RTKN2: variants seen among roughly 807,000 people sequenced by gnomAD.
RTKN2 encodes the protein rhotekin-2.
RTKN2 carries 69 observed loss-of-function variants against 71.5 expected under a neutral mutation model. That is an observed-to-expected ratio of 0.96 (90% CI 0.79 to 1.18). RTKN2 has a LOEUF of 1.18. RTKN2 is among the 50% of genes most tolerant of loss of function. The pLI is 0.00. For synonymous variants in RTKN2, 236 were observed against 236.5 expected (o/e 1.00, Z 0.02); for missense variants, 724 against 719.7 (o/e 1.01, Z -0.07).
intron 10 of RTKN2, among the ~76,000 whole-genome samples, chr10:62,201,305 TA>T (rs1385266041): frequency 6.6e-6 from 1 of 152,152 alleles, no homozygotes; most frequent in Non-Finnish European, 1.5e-5. Context: ...AATATATGCA[TA>T]AATTAAAAAT....
At chr10:62,268,061 T>G (rs994982991) in intron 1 of RTKN2, among the ~76,000 whole-genome samples, 5 of 152,228 alleles carry the variant, frequency 3.3e-5, no homozygotes, top group African/African-American at 1.2e-4. Context: ...TTTTCTAAAG[T>G]GCAGAGGTTG....
At chr10:62,253,841 AT>A (rs1435140174) in intron 2 of RTKN2, among the ~76,000 whole-genome samples, 2 of 152,122 alleles carry the variant, frequency 1.3e-5, no homozygotes, top group South Asian at 2.1e-4. Flanking sequence ...TGGAAAAAAA[AT>A]AATTGATACA....
chr10:62,261,773 A>C (rs1842778787), intron 2 of RTKN2, among the ~76,000 whole-genome samples: 1 of 152,196 alleles, frequency 6.6e-6, no homozygotes, highest in South Asian at 2.1e-4. Flanking sequence ...CAGAAATCTC[A>C]GACTCTGACT....
chr10:62,202,189 A>G (rs1841457939), intron 10 of RTKN2, among the ~76,000 whole-genome samples: 1 of 152,162 alleles, frequency 6.6e-6, no homozygotes, highest in Non-Finnish European at 1.5e-5. Flanking sequence ...ACAAATGTTA[A>G]AAATAGCTAT....
At chr10:62,263,297 A>G (rs146871433) in intron 1 of RTKN2, among the ~76,000 whole-genome samples, 170 of 152,284 alleles carry the variant, frequency 1.1e-3, no homozygotes, top group African/African-American at 3.9e-3. Flanking sequence ...ACAGAGACTA[A>G]TATGTCTATA....
intron 6 of RTKN2, among the ~76,000 whole-genome samples, chr10:62,224,668 G>A (rs1841982308): frequency 6.6e-6 from 1 of 152,110 alleles, no homozygotes; most frequent in South Asian, 2.1e-4. Context: ...AAGAAACAAA[G>A]GAGATGAGAA....
chr10:62,246,132 T>G (rs1453694264), intron 2 of RTKN2, 75 bp from the exon 3 acceptor site: 2 of 939,740 alleles, frequency 2.1e-6, no homozygotes, highest in African/African-American at 3.3e-5. Flanking sequence ...TTCACAAATG[T>G]CAAAATATTA....
At chr10:62,185,559 T>C (rs1157181264) in intron 8 of RTKN2, among the ~76,000 whole-genome samples, 1 of 151,868 alleles carries the variant, frequency 6.6e-6, no homozygotes, top group African/African-American at 2.4e-5. Context: ...GAGGTTGCAG[T>C]AGTGAATGGA....
At chr10:62,229,823 C>T (rs1842110733) in intron 6 of RTKN2, among the ~76,000 whole-genome samples, 1 of 152,086 alleles carries the variant, frequency 6.6e-6, no homozygotes, top group African/African-American at 2.4e-5. Context: ...CATCTTTTAA[C>T]TACTTTAAGG....
Position 62,268,700 on chromosome 10 carries a change from C to T in RTKN2, c.-90G>A. On this transcript the variant is annotated 5_prime_UTR_variant, in exon 1 of 12. Transcript: ENST00000373789. ...TGGCAGGAGCCGCAGAGGACGCCAA[C>T]CGCCCGGCCGTACCAAGTCCCAGTC... is the stretch of plus-strand genomic sequence containing the variant. 1 of 1,354,136 alleles carries T rather than the reference C, an allele frequency of 7.4e-7. No homozygotes were observed. Among genetic ancestry groups the T allele is most frequent in the Non-Finnish European group, 1.0e-6 (1 of 984,922 alleles). 83.9% of individuals were successfully genotyped at this position (1,354,136 alleles called of 1,614,324 possible). A position where few individuals can be genotyped will look rare whatever the true frequency, so the allele number is the denominator to read the frequency against.
At chr10:62,260,423 C>T (rs1842752385) in intron 2 of RTKN2, among the ~76,000 whole-genome samples, 1 of 152,116 alleles carries the variant, frequency 6.6e-6, no homozygotes, top group East Asian at 1.9e-4. Flanking sequence ...TATATCTTCA[C>T]ATACAAAATG....
At position 62,193,177 on chromosome 10, in the gene RTKN2, C is replaced by A. The variant is rs1009418315; in HGVS notation, c.*4731G>T. 1.3e-6 allele frequency: 1 copy of A among 798,550 alleles called. No homozygotes were observed. Among genetic ancestry groups the A allele is most frequent in the African/African-American group, 1.9e-5 (1 of 53,398 alleles). 49.5% of individuals were successfully genotyped at this position (798,550 alleles called of 1,614,324 possible). A position where few individuals can be genotyped will look rare whatever the true frequency, so the allele number is the denominator to read the frequency against. The stretch of plus-strand genomic sequence containing the variant: ...AACAAAATATAAAAATATTTTTAAG[C>A]AAGACACCAAAAAGTATTCATTTTC... On this transcript the variant is annotated 3_prime_UTR_variant, in exon 12 of 12. Transcript: ENST00000373789.
chr10:62,192,483 C>A (rs1209688778), downstream of RTKN2, among the ~76,000 whole-genome samples: 1 of 152,134 alleles, frequency 6.6e-6, no homozygotes, highest in African/African-American at 2.4e-5. Flanking sequence ...ATATCACACC[C>A]ATCATTACAT....
downstream of RTKN2, among the ~76,000 whole-genome samples, chr10:62,190,924 C>A (rs1841212012): frequency 6.6e-6 from 1 of 152,146 alleles, no homozygotes; most frequent in African/African-American, 2.4e-5. Flanking sequence ...TACGCTCATT[C>A]CATTTCTGCC....
At chr10:62,222,247 T>C (rs1386468165) in intron 7 of RTKN2, among the ~76,000 whole-genome samples, 1 of 151,996 alleles carries the variant, frequency 6.6e-6, no homozygotes, top group African/African-American at 2.4e-5. Flanking sequence ...TAGCTGGGAT[T>C]ACATGCATGC....
At chr10:62,249,378 G>A (rs907535536) in intron 2 of RTKN2, among the ~76,000 whole-genome samples, 1 of 151,468 alleles carries the variant, frequency 6.6e-6, no homozygotes, top group Non-Finnish European at 1.5e-5. Flanking sequence ...AGGGGTTGCG[G>A]GGTTGGGGGG....
chr10:62,191,303 T>C (rs1841219632), downstream of RTKN2, among the ~76,000 whole-genome samples: 1 of 152,056 alleles, frequency 6.6e-6, no homozygotes, highest in Non-Finnish European at 1.5e-5. Flanking sequence ...CACATGGCTA[T>C]GTTTTAATTA....
downstream of RTKN2, among the ~76,000 whole-genome samples, chr10:62,190,723 C>T (rs1437983851): frequency 6.6e-6 from 1 of 152,064 alleles, no homozygotes; most frequent in East Asian, 1.9e-4. Flanking sequence ...TAATGGTAGC[C>T]AGGGGCTGAG....
rs768727658 is a variant in RTKN2, at chr10:62,204,907, T to C, written c.1136A>G (p.Glu379Gly). The C allele has an allele frequency of 3.0e-5, 48 of 1,598,390 alleles. No individual in the cohort carries two copies. Among genetic ancestry groups the C allele is most frequent in the Non-Finnish European group, 4.0e-5 (47 of 1,174,966 alleles). Residue 379 changes from glutamate (E) to glycine (G), a missense_variant, in exon 10 of 12, where the codon GAA becomes GGA. By Grantham distance (98) the Glu-to-Gly change is moderately conservative. Coordinates refer to ENST00000373789, the MANE Select transcript of RTKN2 (RefSeq NM_145307.4). Reference sequence around the variant, plus strand: ...GGCTTCCATCCACTTCTGAAGATCTTCTCTATTGTCAACTGCAAAAATCTG... The same window carrying C: ...GGCTTCCATCCACTTCTGAAGATCTCCTCTATTGTCAACTGCAAAAATCTG... Reference protein sequence around the residue: ...ITQIFAVDNREDLQKWMEAFW... With the variant: ...ITQIFAVDNRGDLQKWMEAFW...
Sources: allele counts gnomAD v4.1 joint callset (sites outside exome capture counted in the v4.1 genomes callset), GRCh38; gene constraint gnomAD v4.1.1; transcripts MANE v1.5; gene names NCBI Gene and HGNC (gene_info 2026-07-23, HGNC 2026-07-21).